DNAH3: variants seen among roughly 807,000 people sequenced by gnomAD.
The protein encoded by DNAH3 is axonemal beta dynein heavy chain 3.
A neutral mutation model predicts 432.5 loss-of-function variants in DNAH3; 332 were observed. The ratio of observed to expected loss-of-function variants is 0.77; its 90% confidence interval spans 0.70 to 0.84. DNAH3 has a LOEUF of 0.84. Ranked by LOEUF, DNAH3 falls within the 40% of genes least tolerant of loss-of-function variation. The pLI is 0.00. For missense variants in DNAH3, 4,861 were observed against 5,114.0 expected (o/e 0.95, Z 1.51); for synonymous variants, 1,956 against 1,900.2 (o/e 1.03, Z -0.76).
At chr16:21,143,890 A>C (rs1248925785) in intron 3 of DNAH3, among the ~76,000 whole-genome samples, 1 of 152,220 alleles carries the variant, frequency 6.6e-6, no homozygotes, top group African/African-American at 2.4e-5. Context: ...TAAACAAAAA[A>C]CACTCATTAG....
chr16:21,155,140 G>A (rs532623822), intron 1 of DNAH3, among the ~76,000 whole-genome samples: 124 of 151,490 alleles, frequency 8.2e-4, no homozygotes, highest in African/African-American at 2.9e-3. Flanking sequence ...AGTAGAGATG[G>A]GGTTTTGCCA....
chr16:21,073,391 T>C (rs2090862647), intron 21 of DNAH3, among the ~76,000 whole-genome samples: 1 of 152,144 alleles, frequency 6.6e-6, no homozygotes, highest in South Asian at 2.1e-4. Flanking sequence ...TATAGCAGTG[T>C]CTAATCCAAG....
exon 45 of DNAH3, chr16:20,987,951 A>T: frequency 6.2e-7 from 1 of 1,614,232 alleles, no homozygotes; most frequent in Admixed American, 1.7e-5. Flanking sequence ...CCTTAAAAAC[A>T]TCACATCAAA....
intron 53 of DNAH3, among the ~76,000 whole-genome samples, chr16:20,960,571 A>G (rs12927180): frequency 0.071 from 10,851 of 152,252 alleles, 522 homozygotes; most frequent in East Asian, 0.17. Flanking sequence ...GCTGGGTGGC[A>G]CATGCCTGTA....
intron 46 of DNAH3, 80 bp from the exon 47 acceptor site, chr16:20,987,528 G>T: frequency 1.3e-6 from 2 of 1,576,764 alleles, no homozygotes; most frequent in Admixed American, 3.5e-5. Flanking sequence ...GTAAGTCCTG[G>T]GGTTGATTTG....
At chr16:21,109,587 TA>T (rs1331695739) in intron 14 of DNAH3, among the ~76,000 whole-genome samples, 4 of 152,160 alleles carry the variant, frequency 2.6e-5, no homozygotes, top group Non-Finnish European at 5.9e-5. Context: ...TGATTATTAC[TA>T]AATCATTTTA....
intron 44 of DNAH3, among the ~76,000 whole-genome samples, chr16:20,994,361 G>A (rs907946081): frequency 2.0e-5 from 3 of 152,300 alleles, no homozygotes; most frequent in Admixed American, 2.0e-4. Context: ...GAACCCGGAG[G>A]CGGAGGTTGC....
At chr16:20,964,398 A>G (rs1193272536) in exon 53 of DNAH3, 19 of 1,614,010 alleles carry the variant, frequency 1.2e-5, no homozygotes, top group Non-Finnish European at 1.4e-5. Context: ...TGGAATATTC[A>G]ATGATGTTTT....
Position 21,003,227 on chromosome 16 carries a change from A to C in DNAH3, c.6023-20T>G. On this transcript the variant is annotated intron_variant, in intron 41 of 61. Coordinates refer to ENST00000261383, the Ensembl canonical transcript of DNAH3. ...TGCTTCCTGGACCCAAAGAAACAAA[A>C]CAGATCATTAGCACATGAAGGCTTT... The C allele has an allele frequency of 2.0e-6, 3 of 1,531,638 alleles. No individual in the cohort carries two copies. Among genetic ancestry groups the C allele is most frequent in the Non-Finnish European group, 2.7e-6 (3 of 1,117,142 alleles). 94.9% of individuals were successfully genotyped at this position (1,531,638 alleles called of 1,614,324 possible). A position where few individuals can be genotyped will look rare whatever the true frequency, so the allele number is the denominator to read the frequency against.
chr16:20,970,863 C>CTTTTTTT (rs869203073), intron 51 of DNAH3, among the ~76,000 whole-genome samples: 14 of 124,084 alleles, frequency 1.1e-4, no homozygotes, highest in South Asian at 2.6e-4. Flanking sequence ...TTTCTCTATT[C>CTTTTTTT]TTTTTTTTTT....
intron 44 of DNAH3, chr16:20,996,967 T>C (rs1012421177): frequency 1.5e-5 from 4 of 267,548 alleles, no homozygotes; most frequent in Non-Finnish European, 1.4e-5. Flanking sequence ...ATGACTGTCA[T>C]GCACCCCTAG....
intron 36 of DNAH3, among the ~76,000 whole-genome samples, chr16:21,032,910 A>C (rs1241681512): frequency 1.3e-5 from 2 of 152,050 alleles, no homozygotes; most frequent in African/African-American, 4.8e-5. Flanking sequence ...TGGTATATTA[A>C]AGGTATATTT....
chr16:21,050,015 T>A (rs2089886551), exon 30 of DNAH3: 1 of 1,611,210 alleles, frequency 6.2e-7, no homozygotes, highest in Admixed American at 1.7e-5. Flanking sequence ...CTCCCATCAG[T>A]GTCCTATGGG....
intron 33 of DNAH3, 103 bp from the exon 34 acceptor site, chr16:21,038,083 G>A: frequency 2.1e-6 from 2 of 939,626 alleles, no homozygotes; most frequent in Non-Finnish European, 1.7e-6. Context: ...AACCAGGCAT[G>A]CCCATGGACT....
intron 9 of DNAH3, among the ~76,000 whole-genome samples, chr16:21,122,743 G>C (rs926563959): frequency 6.6e-6 from 1 of 151,434 alleles, no homozygotes; most frequent in East Asian, 1.9e-4. Context: ...AAGCCTCCCT[G>C]TTTCTCAGCT....
intron 12 of DNAH3, 127 bp downstream of exon 12, chr16:21,117,076 T>C (rs1264970407): frequency 1.6e-6 from 1 of 629,978 alleles, no homozygotes; most frequent in African/African-American, 1.9e-5. Flanking sequence ...CTCATGTAAG[T>C]ATTGGCTATT....
chr16:20,957,026 A>C (rs919131762), intron 54 of DNAH3, among the ~76,000 whole-genome samples: 1 of 152,148 alleles, frequency 6.6e-6, no homozygotes, highest in Non-Finnish European at 1.5e-5. Flanking sequence ...CTCGGCCCCA[A>C]ACAGCATTCT....
exon 43 of DNAH3, chr16:21,000,408 G>T (rs2086963127): frequency 1.9e-6 from 3 of 1,614,126 alleles, no homozygotes; most frequent in South Asian, 1.1e-5. Context: ...TGGCTGATTT[G>T]CCAGTGCCTG....
chr16:21,060,503 G>GT, intron 25 of DNAH3, 147 bp from the exon 26 acceptor site: 1 of 467,500 alleles, frequency 2.1e-6, no homozygotes. Context: ...CTGTCTCCCC[G>GT]TTCTTTTTTT....
Sources: gnomAD v4.1 joint callset for allele counts (sites outside exome capture counted in the v4.1 genomes callset) on GRCh38, gnomAD v4.1.1 for gene constraint, MANE v1.5 for transcripts, NCBI Gene and HGNC (gene_info 2026-07-23, HGNC 2026-07-21) for gene names.